The following OLFML2A variants were observed in gnomAD, a reference collection of about 807,000 sequenced individuals.
OLFML2A encodes the protein olfactomedin-like protein 2A.
Under a neutral mutation model 60.9 loss-of-function variants are expected in OLFML2A, and 47 were observed. The observed-to-expected ratio is 0.77, with a 90% CI of 0.61 to 0.98. The LOEUF is 0.98. Among genes scored for constraint, OLFML2A ranks in the 50% least tolerant of loss-of-function variants. The pLI is 0.00. For missense variants in OLFML2A, 922 were observed against 879.8 expected, an observed-to-expected ratio of 1.05 and a Z score of -0.61; for synonymous variants, 372 against 375.0, an observed-to-expected ratio of 0.99 and a Z score of 0.09.
chr9:124,778,065 G>A (rs1841290703), intron 1 of OLFML2A, among the ~76,000 whole-genome samples: 1 of 152,154 alleles, frequency 6.6e-6, no homozygotes, highest in Non-Finnish European at 1.5e-5. Flanking sequence ...TGCCTGTAAA[G>A]TACTTAGCAC....
chr9:124,804,961 C>T (rs997066313), intron 6 of OLFML2A, among the ~76,000 whole-genome samples: 3 of 152,136 alleles, frequency 2.0e-5, no homozygotes, highest in Admixed American at 2.0e-4. Context: ...TCTCAGCCTC[C>T]CAAAGTGCTG....
chr9:124,806,897 C>T (rs567329710), intron 6 of OLFML2A, among the ~76,000 whole-genome samples: 14 of 149,166 alleles, frequency 9.4e-5, no homozygotes, highest in South Asian at 2.1e-4. Flanking sequence ...CATGAGCCAC[C>T]GCGCCCAGCC....
intron 6 of OLFML2A, among the ~76,000 whole-genome samples, chr9:124,805,625 G>A (rs368742641): frequency 1.3e-5 from 2 of 152,144 alleles, no homozygotes; most frequent in East Asian, 1.9e-4. Flanking sequence ...GAGAATGGTG[G>A]GAGGGGGTAA....
intron 7 of OLFML2A, among the ~76,000 whole-genome samples, chr9:124,809,123 C>T (rs760305907): frequency 2.0e-5 from 3 of 151,996 alleles, no homozygotes; most frequent in Non-Finnish European, 4.4e-5. Context: ...GCCGAGATCG[C>T]ACCACTGCAC....
At chr9:124,781,068 G>A (rs1052471205) in intron 1 of OLFML2A, among the ~76,000 whole-genome samples, 2 of 152,192 alleles carry the variant, frequency 1.3e-5, no homozygotes, top group African/African-American at 2.4e-5. Context: ...GGAGGGAGTA[G>A]GGATCCATGG....
intron 4 of OLFML2A, 84 bp downstream of exon 4, chr9:124,799,575 C>A: frequency 8.8e-7 from 1 of 1,138,080 alleles, no homozygotes; most frequent in Non-Finnish European, 1.3e-6. Flanking sequence ...TGTGGATCAG[C>A]TCGATGGGGG....
chr9:124,789,082 C>T (rs1261857302), intron 2 of OLFML2A, among the ~76,000 whole-genome samples: 1 of 152,100 alleles, frequency 6.6e-6, no homozygotes, highest in Admixed American at 6.6e-5. Context: ...GGTGCACACC[C>T]CCAGGCTCAG....
intron 4 of OLFML2A, chr9:124,801,124 G>GC: frequency 4.2e-6 from 6 of 1,431,488 alleles, no homozygotes; most frequent in East Asian, 2.5e-5. Context: ...CTTCTAGCCT[G>GC]CCCCCCAGGG....
intron 7 of OLFML2A, among the ~76,000 whole-genome samples, chr9:124,808,798 C>T (rs546811524): frequency 1.2e-4 from 18 of 152,098 alleles, no homozygotes; most frequent in Middle Eastern, 6.8e-3. Flanking sequence ...TAAGCTGGGG[C>T]AGGCCTGGTG....
At position 124,811,746 on chromosome 9, in the gene OLFML2A, C is replaced by A. The variant is rs1842026647; in HGVS notation, c.*1334C>A. 1 of 152,238 alleles carries A rather than the reference C, an allele frequency of 6.6e-6. No individual in the cohort carries two copies. Among genetic ancestry groups the A allele is most frequent in the Non-Finnish European group, 1.5e-5 (1 of 68,064 alleles). The allele number at this position is 152,238 out of a possible 1,614,324, so 9.4% of individuals were successfully genotyped here. A position where few individuals can be genotyped will look rare whatever the true frequency, so the allele number is the denominator to read the frequency against. On this transcript the variant is annotated 3_prime_UTR_variant, in exon 8 of 8. Coordinates refer to ENST00000373580, the MANE Select transcript of OLFML2A (RefSeq NM_182487.4). ...TGGTGGCTCCCCAGAGCCTCAGACC[C>A]ACACAGCCCAGAGGACGAGGCCTTC...
intron 1 of OLFML2A, 132 bp from the exon 2 acceptor site, chr9:124,786,842 AC>A: frequency 1.3e-6 from 1 of 772,516 alleles, no homozygotes; most frequent in Non-Finnish European, 2.1e-6. Flanking sequence ...CTCTAATTGC[AC>A]CCCCTCCTAC....
chr9:124,786,295 T>G (rs966894764), intron 1 of OLFML2A, among the ~76,000 whole-genome samples: 1 of 152,084 alleles, frequency 6.6e-6, no homozygotes, highest in Admixed American at 6.5e-5. Flanking sequence ...TGGTGGCGCA[T>G]GCCTGTAGTC....
intron 3 of OLFML2A, among the ~76,000 whole-genome samples, chr9:124,796,444 A>G (rs1416278501): frequency 2.0e-5 from 3 of 152,212 alleles, no homozygotes; most frequent in Admixed American, 6.5e-5. Context: ...TCCGGAGGGT[A>G]TATCAGCTAG....
rs1841289152 is a variant in OLFML2A, at chr9:124,777,992, G to C, written c.90+632G>C. Reference sequence around the variant, plus strand: ...CTGAGCCTCCGTCTATTCACCTGTAGATACAGGGAGAATCATGGGACCCAC... The same window carrying C: ...CTGAGCCTCCGTCTATTCACCTGTACATACAGGGAGAATCATGGGACCCAC... On this transcript the variant is annotated intron_variant, in intron 1 of 7. Transcript: ENST00000373580. The surrounding 1 kb of genome is among the most constrained non-coding windows in gnomAD (Gnocchi z 6.2). 6.6e-6 allele frequency among the ~76,000 whole-genome samples: 1 copy of C among 152,180 alleles called. No individual in the cohort carries two copies.
At chr9:124,786,334 G>C (rs745625096) in intron 1 of OLFML2A, among the ~76,000 whole-genome samples, 1 of 151,742 alleles carries the variant, frequency 6.6e-6, no homozygotes, top group Non-Finnish European at 1.5e-5. Context: ...GAAGTGGGAG[G>C]ATCACTTGAG....
intron 1 of OLFML2A, among the ~76,000 whole-genome samples, chr9:124,786,181 G>A (rs1240700662): frequency 6.6e-6 from 1 of 152,168 alleles, no homozygotes. Context: ...CTAGCACTTT[G>A]GGAGATGGAA....
chr9:124,806,013 G>A (rs892087354), intron 6 of OLFML2A, among the ~76,000 whole-genome samples: 2 of 151,350 alleles, frequency 1.3e-5, no homozygotes, highest in East Asian at 3.9e-4. Context: ...ACAGTGTTTC[G>A]CCATGTTGAC....
At chr9:124,790,248 A>G (rs1364439235) in intron 2 of OLFML2A, among the ~76,000 whole-genome samples, 2 of 151,830 alleles carry the variant, frequency 1.3e-5, no homozygotes, top group Admixed American at 1.3e-4. Flanking sequence ...GCTCACTGCA[A>G]CCTCCACCCG....
intron 5 of OLFML2A, among the ~76,000 whole-genome samples, chr9:124,803,199 G>T (rs981661853): frequency 6.6e-6 from 1 of 152,090 alleles, no homozygotes; most frequent in Non-Finnish European, 1.5e-5. Context: ...ATGAGCCACC[G>T]CGCCCGGCCG....
Sources: allele counts gnomAD v4.1 joint callset (sites outside exome capture counted in the v4.1 genomes callset), GRCh38; gene constraint gnomAD v4.1.1; non-coding constraint Gnocchi (gnomAD v3.1); transcripts MANE v1.5; gene names NCBI Gene and HGNC (gene_info 2026-07-23, HGNC 2026-07-21).